Variants in UBIAD1 observed in about 807,000 individuals in gnomAD.
The protein encoded by UBIAD1 is UbiA prenyltransferase domain containing 1, also known as ubiA prenyltransferase domain-containing protein 1.
A neutral mutation model predicts 20.1 loss-of-function variants in UBIAD1; 12 were observed. The ratio of observed to expected loss-of-function variants is 0.60; its 90% CI spans 0.38 to 0.97. The LOEUF is 0.97. Ranked by LOEUF, UBIAD1 falls within the 50% of genes least tolerant of loss-of-function variation. The pLI, the probability that UBIAD1 is intolerant of heterozygous loss-of-function variation, is 0.00. For synonymous variants in UBIAD1, 207 were observed against 189.2 expected (o/e 1.09, Z -0.77); for missense variants, 333 against 419.5 (o/e 0.79, Z 1.80).
downstream of UBIAD1, among the ~76,000 whole-genome samples, chr1:11,296,763 G>A (rs188012921): frequency 1.2e-4 from 18 of 152,182 alleles, no homozygotes; most frequent in East Asian, 1.4e-3. Flanking sequence ...AAAGCAATCC[G>A]CCCGCCTCAG....
chr1:11,278,627 T>G lies in UBIAD1; in HGVS notation c.529+4567T>G. ...CCACTAAAATTAATTGTTGTATGTT[T>G]GTCCTTCCAGTGGCTGTGGAAGCTT... is the stretch of plus-strand genomic sequence containing the variant. On this transcript the variant is annotated intron_variant, in intron 1 of 1. Coordinates refer to ENST00000376810, the MANE Select transcript of UBIAD1 (RefSeq NM_013319.3). 4.1e-6 allele frequency: 6 copies of G among 1,453,600 alleles called. No homozygotes were observed. The South Asian group carries it at 7.5e-5, about 18-fold the overall frequency. The allele number at this position is 1,453,600 out of a possible 1,614,324, so 90.0% of individuals were successfully genotyped here.
intron 1 of UBIAD1, among the ~76,000 whole-genome samples, chr1:11,276,639 G>A (rs1347698949): frequency 6.6e-6 from 1 of 150,482 alleles, no homozygotes; most frequent in Non-Finnish European, 1.5e-5. Flanking sequence ...ATTCCAGCCT[G>A]GGCAACAGAG....
chr1:11,296,024 C>T (rs981752612), downstream of UBIAD1: 1 of 152,202 alleles, frequency 6.6e-6, no homozygotes, highest in African/African-American at 2.4e-5. Flanking sequence ...AGATGAACTT[C>T]TCCATGCCCC....
chr1:11,285,822 C>T lies in UBIAD1; in HGVS notation c.708C>T (p.Asp236=), dbSNP rs118203953. 1.9e-6 allele frequency: 3 copies of T among 1,614,230 alleles called. No homozygotes were observed. Among genetic ancestry groups the T allele is most frequent in the South Asian group, 2.2e-5 (2 of 91,088 alleles). Residue 236 remains aspartate, a synonymous_variant, in exon 2 of 2, where the codon GAC becomes GAT. Coordinates refer to ENST00000376810, the MANE Select transcript of UBIAD1 (RefSeq NM_013319.3). This position sits in a 1 kb window ranked among gnomAD's most constrained non-coding sequence, Gnocchi z 4.4. ...EAILHSNNTR[D]MESDREAGIV... is the part of the protein sequence containing the mutation. ...TTCTCCATTCCAACAACACCAGGGACATGGAGTCCGACCGGGAGGCTGGTA... is the reference window on the plus strand; with the variant it reads ...TTCTCCATTCCAACAACACCAGGGATATGGAGTCCGACCGGGAGGCTGGTA...
chr1:11,283,199 T>A (rs1652302372), intron 1 of UBIAD1, among the ~76,000 whole-genome samples: 1 of 152,182 alleles, frequency 6.6e-6, no homozygotes, highest in Non-Finnish European at 1.5e-5. Context: ...TAAGGAGGTG[T>A]TCTTGGAGAC....
chr1:11,289,253 C>T (rs1638322125), downstream of UBIAD1, among the ~76,000 whole-genome samples: 1 of 152,206 alleles, frequency 6.6e-6, no homozygotes, highest in Admixed American at 6.5e-5. Context: ...GGAGCCCTGT[C>T]CTCTGCCCTT....
At position 11,286,663 on chromosome 1, in the gene UBIAD1, C is replaced by T. The variant is rs143316482; in HGVS notation, c.*532C>T. 232 of 169,074 alleles carry T rather than the reference C, an allele frequency of 1.4e-3. 2 individuals carry two copies. Among genetic ancestry groups the T allele is most frequent in the African/African-American group, 5.4e-3 (225 of 41,668 alleles). 10.5% of individuals were successfully genotyped at this position (169,074 alleles called of 1,614,324 possible). On this transcript the variant is annotated 3_prime_UTR_variant, in exon 2 of 2. Transcript: ENST00000376810. ...TACGCTGCCTGAGACAGAGAGAGTC[C>T]CTCATTAACAGCCTGTGTGGCTGTC...
intron 1 of UBIAD1, among the ~76,000 whole-genome samples, chr1:11,280,192 T>A (rs909793523): frequency 1.3e-5 from 2 of 152,138 alleles, no homozygotes; most frequent in Non-Finnish European, 2.9e-5. Flanking sequence ...TGCTGAGTCC[T>A]CCAGGGCTGA....
At chr1:11,284,417 G>A (rs1027521395) in intron 1 of UBIAD1, among the ~76,000 whole-genome samples, 12 of 152,010 alleles carry the variant, frequency 7.9e-5, no homozygotes, top group African/African-American at 2.4e-4. Flanking sequence ...GGTTGATAAG[G>A]GTTTAAGTGT....
chr1:11,294,694 G>T (rs961643695), intron 1 of UBIAD1, among the ~76,000 whole-genome samples: 1 of 152,226 alleles, frequency 6.6e-6, no homozygotes, highest in Non-Finnish European at 1.5e-5. Context: ...AACTAAGCTT[G>T]TTGGTCTAAC....
intron 1 of UBIAD1, among the ~76,000 whole-genome samples, chr1:11,276,738 ACTTAAC>A (rs551649969): frequency 6.8e-4 from 103 of 151,216 alleles, no homozygotes; most frequent in African/African-American, 2.3e-3. Flanking sequence ...TGTTGATGTC[ACTTAAC>A]CTTAAGTGCA....
At chr1:11,298,301 C>T (rs1013980425), downstream of UBIAD1, among the ~76,000 whole-genome samples, 5 of 151,988 alleles carry the variant, frequency 3.3e-5, no homozygotes, top group African/African-American at 1.2e-4. This position sits in a 1 kb window ranked among gnomAD's most constrained non-coding sequence, Gnocchi z 4.0. Context: ...GACACAGTGG[C>T]TTATGCCTGT....
At chr1:11,296,512 T>G (rs910389662), downstream of UBIAD1, among the ~76,000 whole-genome samples, 1 of 152,016 alleles carries the variant, frequency 6.6e-6, no homozygotes, top group African/African-American at 2.4e-5. Flanking sequence ...ATAAAGTGAG[T>G]TCCCCCTGTC....
In UBIAD1 at chr1:11,273,685, G is replaced by T. The variant is rs753605995; in HGVS notation, c.154G>T (p.Ala52Ser). 3 of 1,613,980 alleles carry T rather than the reference G, an allele frequency of 1.9e-6. No individual in the cohort carries two copies. The African/African-American group carries it at 4.0e-5, about 22-fold the overall frequency. Residue 52 changes from alanine to serine, a missense_variant, in exon 1 of 2, where the codon GCC becomes TCC. Physicochemically the swap from Ala to Ser is moderately conservative, Grantham distance 99. Around this residue, in one of 3 missense-constraint regions of UBIAD1, gnomAD observed 50 missense variants for 101.2 expected, o/e 0.49. Coordinates refer to ENST00000376810, the MANE Select transcript of UBIAD1 (RefSeq NM_013319.3). This position sits in a 1 kb window ranked among gnomAD's most constrained non-coding sequence, Gnocchi z 4.9. ...WRQKCASYVL[A>S]LRPWSFSASL... ...GCAGAAGTGTGCCTCCTACGTGTTGGCCCTGAGGCCCTGGAGCTTCAGTGC... is the reference window on the plus strand; with the variant it reads ...GCAGAAGTGTGCCTCCTACGTGTTGTCCCTGAGGCCCTGGAGCTTCAGTGC...
chr1:11,284,319 A>G (rs532662763), intron 1 of UBIAD1, among the ~76,000 whole-genome samples: 1 of 152,036 alleles, frequency 6.6e-6, no homozygotes, highest in South Asian at 2.1e-4. Context: ...TGAAGAGGGG[A>G]GGAGAGCTCA....
downstream of UBIAD1, among the ~76,000 whole-genome samples, chr1:11,291,257 CATGCTGTGGATATAATA>C (rs747682130): frequency 1.3e-5 from 2 of 152,104 alleles, no homozygotes; most frequent in Non-Finnish European, 2.9e-5. Flanking sequence ...AGATCAAGAA[CATGCTGTGGATATAATA>C]TACTTGGATT....
At chr1:11,275,879 A>G (rs1051811238) in intron 1 of UBIAD1, among the ~76,000 whole-genome samples, 1 of 152,168 alleles carries the variant, frequency 6.6e-6, no homozygotes, top group African/African-American at 2.4e-5. Flanking sequence ...AATGTGTCCA[A>G]AGAGCTTACA....
intron 1 of UBIAD1, chr1:11,278,756 ACCATC>A (rs1652144926): frequency 1.7e-6 from 1 of 588,782 alleles, no homozygotes; most frequent in African/African-American, 1.9e-5. Flanking sequence ...GCGGTCATCC[ACCATC>A]CCACTGGAGT....
At chr1:11,292,668 T>TACAC (rs71568319), downstream of UBIAD1, among the ~76,000 whole-genome samples, 2,646 of 140,704 alleles carry the variant, frequency 0.019, 29 homozygotes, top group East Asian at 0.045. Context: ...ATTTTATGTA[T>TACAC]ACACACACAC....
Sources: allele counts gnomAD v4.1 joint callset (sites outside exome capture counted in the v4.1 genomes callset), GRCh38; gene constraint gnomAD v4.1.1; regional missense constraint gnomAD v4.1.1; non-coding constraint Gnocchi (gnomAD v3.1); transcripts MANE v1.5; gene names NCBI Gene and HGNC (gene_info 2026-07-23, HGNC 2026-07-21).